Variants in ADAMTS14 observed in about 807,000 individuals in gnomAD.
The protein encoded by ADAMTS14 is A disintegrin and metalloproteinase with thrombospondin motifs 14.
A neutral mutation model predicts 128.6 loss-of-function variants in ADAMTS14; 100 were observed. The ratio of observed to expected loss-of-function variants is 0.78; its 90% CI spans 0.66 to 0.92. The LOEUF (loss-of-function observed/expected upper bound fraction) is 0.92. ADAMTS14 is among the 40% of genes least tolerant of loss of function. The probability of loss-of-function intolerance (pLI) is 0.00; values close to 1 mark genes in which losing one functional copy is unlikely to be tolerated. For synonymous variants in ADAMTS14, 665 were observed against 653.8 expected, an observed-to-expected ratio of 1.02 and a Z score of -0.26; for missense variants, 1,562 against 1,658.6, an observed-to-expected ratio of 0.94 and a Z score of 1.01.
intron 4 of ADAMTS14, among the ~76,000 whole-genome samples, chr10:70,715,349 GT>G (rs1841005351): frequency 6.6e-6 from 1 of 152,116 alleles, no homozygotes; most frequent in African/African-American, 2.4e-5. Context: ...ATGCATGTAT[GT>G]CCTGGAGGGG....
In ADAMTS14 at chr10:70,749,901, G is replaced by A. The variant is rs769540980; in HGVS notation, c.2343G>A (p.Met781Ile). 1.2e-6 allele frequency: 2 copies of A among 1,614,064 alleles called. No homozygotes were observed. Among genetic ancestry groups the A allele is most frequent in the Non-Finnish European group, 1.7e-6 (2 of 1,180,030 alleles). Reference sequence around the variant, plus strand: ...CCACAAGCCGGACCTTCACCGCCATGGGCCTGGAGTGGGAGGATGCGGTGG... The same window carrying A: ...CCACAAGCCGGACCTTCACCGCCATAGGCCTGGAGTGGGAGGATGCGGTGG... ...KEATSRTFTA[M>I]GLEWEDAVED... The change falls in exon 16 of 22, where the codon ATG becomes ATA. Residue 781 changes from methionine (M) to isoleucine (I), a missense_variant. Transcript: ENST00000373207.
At chr10:70,733,789 A>G in intron 7 of ADAMTS14, 96 bp from the exon 8 acceptor site, 3 of 1,453,000 alleles carry the variant, frequency 2.1e-6, no homozygotes, top group Non-Finnish European at 1.9e-6. Flanking sequence ...GCTCCGGGTC[A>G]GGTCAGGGTC....
intron 18 of ADAMTS14, among the ~76,000 whole-genome samples, chr10:70,753,142 C>T (rs1416063424): frequency 6.6e-6 from 1 of 152,210 alleles, no homozygotes; most frequent in African/African-American, 2.4e-5. Context: ...TAAAAGATGC[C>T]TTGGGAACCC....
At position 70,716,178 on chromosome 10, in the gene ADAMTS14, G is replaced by A. The variant is rs116115160; in HGVS notation, c.870+7400G>A. ...CCACAATCTGCCAGAAAGTGGGTGA[G>A]GAGAGAGGAGAGTAATGATCTTCCC... is the stretch of plus-strand genomic sequence containing the variant. On this transcript the variant is annotated intron_variant, in intron 4 of 21. Coordinates refer to ENST00000373207, the MANE Select transcript of ADAMTS14 (RefSeq NM_080722.4). Among the ~76,000 whole-genome samples, 993 of 152,316 alleles carry A rather than the reference G, an allele frequency of 6.5e-3. 9 individuals are homozygous for A. The highest frequency in any genetic ancestry group is 0.023 in the African/African-American group (937 of 41,564).
chr10:70,676,518 T>C (rs1181983592), intron 2 of ADAMTS14, among the ~76,000 whole-genome samples: 1 of 152,174 alleles, frequency 6.6e-6, no homozygotes, highest in East Asian at 1.9e-4. Flanking sequence ...CTGAGCACCT[T>C]GTCAGGTGCG....
At chr10:70,742,026 G>A (rs535469601) in intron 12 of ADAMTS14, among the ~76,000 whole-genome samples, 186 of 152,296 alleles carry the variant, frequency 1.2e-3, no homozygotes, top group African/African-American at 3.9e-3. Flanking sequence ...TGGAGCCTGG[G>A]CTCCACCCCA....
At chr10:70,705,732 A>C (rs4746059) in intron 3 of ADAMTS14, among the ~76,000 whole-genome samples, 1 of 151,976 alleles carries the variant, frequency 6.6e-6, no homozygotes, top group Non-Finnish European at 1.5e-5. Flanking sequence ...TTCACTCAGC[A>C]TGTTTTCAAG....
At position 70,730,177 on chromosome 10, in the gene ADAMTS14, C is replaced by T. The variant is rs143456564; in HGVS notation, c.1030C>T (p.Arg344Cys). 1.9e-4 allele frequency: 308 copies of T among 1,613,800 alleles called. No individual in the cohort carries two copies. The highest frequency in any genetic ancestry group is 2.7e-4 in the African/African-American group (20 of 75,066). ...QVCRWAHSQQ[R>C]QDPSHAEHHD... Reference sequence around the variant, plus strand: ...GTGTCGCTGGGCACACTCCCAGCAGCGCCAGGACCCCAGCCACGCTGAGCA... The same window carrying T: ...GTGTCGCTGGGCACACTCCCAGCAGTGCCAGGACCCCAGCCACGCTGAGCA... Residue 344 changes from arginine to cysteine, a missense_variant, in exon 6 of 22, where the codon CGC (arginine) becomes TGC (cysteine). Transcript: ENST00000373207.
chr10:70,694,344 T>G (rs1840274278), intron 2 of ADAMTS14, among the ~76,000 whole-genome samples: 1 of 152,254 alleles, frequency 6.6e-6, no homozygotes, highest in South Asian at 2.1e-4. Context: ...ATGCATATTA[T>G]CTTTTTAATT....
rs925405339 is a variant in ADAMTS14, at chr10:70,674,574, A to G, written c.101A>G (p.Lys34Arg). 21 of 1,612,244 alleles carry G rather than the reference A, an allele frequency of 1.3e-5. No homozygotes were observed. The highest frequency in any genetic ancestry group is 1.8e-5 in the Non-Finnish European group (21 of 1,178,628). The change falls in exon 2 of 22, where the codon AAG (lysine) becomes AGG (arginine). Residue 34 changes from lysine to arginine, a missense_variant. Coordinates refer to ENST00000373207, the MANE Select transcript of ADAMTS14 (RefSeq NM_080722.4). ...CCAACAGAGCTGCACCTCTCTGGAA[A>G]GCTCAGTGACTATGGTGTGACAGTG... Reference protein sequence around the residue: ...SRTPELHLSGKLSDYGVTVPC... With the variant: ...SRTPELHLSGRLSDYGVTVPC...
chr10:70,720,734 G>A (rs930395124), intron 4 of ADAMTS14, among the ~76,000 whole-genome samples: 1 of 152,218 alleles, frequency 6.6e-6, no homozygotes, highest in African/African-American at 2.4e-5. Flanking sequence ...TATAATACGG[G>A]TACCCACACA....
intron 4 of ADAMTS14, among the ~76,000 whole-genome samples, chr10:70,723,168 G>C (rs71477509): frequency 6.6e-6 from 1 of 151,992 alleles, no homozygotes; most frequent in Non-Finnish European, 1.5e-5. Flanking sequence ...ACCATCAGAC[G>C]TACCCTAATT....
At chr10:70,713,251 G>A (rs1478298372) in intron 4 of ADAMTS14, among the ~76,000 whole-genome samples, 1 of 147,982 alleles carries the variant, frequency 6.8e-6, no homozygotes, top group Non-Finnish European at 1.5e-5. Flanking sequence ...TGGCTTCACT[G>A]CCAGCCTTGG....
At chr10:70,719,639 C>T (rs1221349058) in intron 4 of ADAMTS14, among the ~76,000 whole-genome samples, 1 of 152,134 alleles carries the variant, frequency 6.6e-6, no homozygotes, top group African/African-American at 2.4e-5. Flanking sequence ...AATTCCTGAG[C>T]TCAAACAATC....
intron 3 of ADAMTS14, among the ~76,000 whole-genome samples, chr10:70,707,681 T>G (rs1840707910): frequency 6.6e-6 from 1 of 152,256 alleles, no homozygotes; most frequent in African/African-American, 2.4e-5. Flanking sequence ...CTACTTAACA[T>G]CTTTGAACTT....
At chr10:70,744,387 T>G (rs1355498606) in intron 14 of ADAMTS14, among the ~76,000 whole-genome samples, 198 bp downstream of exon 14, 3 of 152,070 alleles carry the variant, frequency 2.0e-5, no homozygotes, top group Non-Finnish European at 4.4e-5. Context: ...TCAGGCAAGC[T>G]CCTCCCTGAG....
intron 2 of ADAMTS14, among the ~76,000 whole-genome samples, chr10:70,675,537 T>C (rs1238852479): frequency 6.6e-6 from 1 of 152,134 alleles, no homozygotes; most frequent in Non-Finnish European, 1.5e-5. Flanking sequence ...TTATGTCTTG[T>C]AACATTGCGA....
chr10:70,719,882 G>C (rs779662683), intron 4 of ADAMTS14, among the ~76,000 whole-genome samples: 11 of 152,240 alleles, frequency 7.2e-5, no homozygotes, highest in Admixed American at 3.3e-4. Context: ...CCATGCAGTG[G>C]TGAGACGTGG....
intron 3 of ADAMTS14, among the ~76,000 whole-genome samples, chr10:70,704,705 CA>C (rs1296816595): frequency 1.3e-5 from 2 of 151,652 alleles, no homozygotes; most frequent in African/African-American, 4.9e-5. Context: ...CCTACACCCA[CA>C]CTCACACATA....
Sources: allele counts gnomAD v4.1 joint callset (sites outside exome capture counted in the v4.1 genomes callset), GRCh38; gene constraint gnomAD v4.1.1; transcripts MANE v1.5; gene names NCBI Gene and HGNC (gene_info 2026-07-23, HGNC 2026-07-21).